GRIA2: variants seen among roughly 807,000 people sequenced by gnomAD.
GRIA2 encodes glutamate receptor 2.
A neutral mutation model predicts 97.3 loss-of-function variants in GRIA2; 14 were observed. That is an observed-to-expected ratio of 0.14 (90% CI 0.10 to 0.23). The LOEUF is 0.23. Among genes scored for constraint, GRIA2 ranks in the 10% least tolerant of loss-of-function variants. The pLI is 1.00. For synonymous variants in GRIA2, 412 were observed against 387.8 expected, an observed-to-expected ratio of 1.06 and a Z score of -0.73; for missense variants, 558 against 1,069.8, an observed-to-expected ratio of 0.52 and a Z score of 6.67.
chr4:157,264,500 G>A (rs1353677467), intron 2 of GRIA2, among the ~76,000 whole-genome samples: 2 of 151,860 alleles, frequency 1.3e-5, no homozygotes, highest in African/African-American at 4.8e-5. Context: ...ATTACAGTGG[G>A]GCCATCTGAT....
chr4:157,362,734 A>G (rs1213981287), intron 14 of GRIA2, 65 bp from the exon 15 acceptor site: 2 of 1,351,862 alleles, frequency 1.5e-6, no homozygotes, highest in African/African-American at 1.5e-5. Flanking sequence ...GCTATGTGAC[A>G]TTGCTGTTCT....
In GRIA2 at chr4:157,311,745, G is replaced by A. The variant is rs138182514; in HGVS notation, c.470-934G>A. ...ATTCATTCTGGAGTCTCGATTTTGC[G>A]TTGTTTATTAAGTTATCAGTATAAA... On this transcript the variant is annotated intron_variant, in intron 3 of 15. Coordinates refer to ENST00000264426, the MANE Select transcript of GRIA2 (RefSeq NM_001083619.3). Among the ~76,000 whole-genome samples the A allele has an allele frequency of 3.5e-4, 53 of 151,958 alleles. No homozygotes were observed. In the East Asian group the frequency reaches 4.1e-3, roughly 12 times the overall value.
At chr4:157,298,752 ACTCATC>A (rs1333309194) in intron 2 of GRIA2, among the ~76,000 whole-genome samples, 3 of 151,300 alleles carry the variant, frequency 2.0e-5, no homozygotes, top group African/African-American at 7.3e-5. Context: ...AGCTCACAAT[ACTCATC>A]CTCTTTGTTG....
intron 2 of GRIA2, among the ~76,000 whole-genome samples, chr4:157,232,031 G>A (rs1240179084): frequency 2.6e-5 from 4 of 152,006 alleles, no homozygotes; most frequent in African/African-American, 4.8e-5. Context: ...ACTAAAATAC[G>A]GAACACAGTG....
chr4:157,309,373 A>G (rs1407303107), intron 3 of GRIA2, among the ~76,000 whole-genome samples: 2 of 146,730 alleles, frequency 1.4e-5, no homozygotes, highest in Admixed American at 6.8e-5. Flanking sequence ...TTTTTTTGAA[A>G]TGGAGTCCCG....
Position 157,321,584 on chromosome 4 carries a change from CACA to C in GRIA2, c.875_877del (p.Thr292del). The C allele has an allele frequency of 6.2e-7, 1 of 1,608,662 alleles. No individual in the cohort carries two copies. The highest frequency in any genetic ancestry group is 8.5e-7 in the Non-Finnish European group (1 of 1,176,868). On this transcript the variant is annotated inframe_deletion, in exon 6 of 16. Transcript: ENST00000264426. Reference sequence around the variant, plus strand: ...AAGAAAAAGAATACCCTGGAGCTCACACAACAACAATTAAGGTTTGCTTTGGTT... The same window carrying C: ...AAGAAAAAGAATACCCTGGAGCTCACACAACAATTAAGGTTTGCTTTGGTT...
chr4:157,221,955 C>A, intron 2 of GRIA2, 148 bp downstream of exon 2: 3 of 707,494 alleles, frequency 4.2e-6, no homozygotes, highest in East Asian at 2.7e-5. Flanking sequence ...TGCGTGTGAC[C>A]GTGTAGAGAG....
chr4:157,220,780 A>G lies in GRIA2; in HGVS notation c.-263A>G. ...CTGAATATTCCGAGACACTGGGACC[A>G]CAGCGGCAGCTCCGCTGAAAACTGC... On this transcript the variant is annotated 5_prime_UTR_variant, in exon 1 of 16. Coordinates refer to ENST00000264426, the MANE Select transcript of GRIA2 (RefSeq NM_001083619.3). The G allele has an allele frequency of 1.9e-6, 1 of 530,894 alleles. No homozygotes were observed. The highest frequency in any genetic ancestry group is 3.4e-6 in the Non-Finnish European group (1 of 295,048). The allele number at this position is 530,894 out of a possible 1,614,324, so 32.9% of individuals were successfully genotyped here.
chr4:157,261,540 C>T (rs1731534871), intron 2 of GRIA2, among the ~76,000 whole-genome samples: 1 of 152,050 alleles, frequency 6.6e-6, no homozygotes, highest in Non-Finnish European at 1.5e-5. Context: ...AGTAACTTGA[C>T]TAAACTTATT....
chr4:157,333,076 G>A, intron 7 of GRIA2, 90 bp downstream of exon 7: 1 of 1,089,142 alleles, frequency 9.2e-7, no homozygotes, highest in Non-Finnish European at 1.3e-6. Context: ...CTTATTCCTT[G>A]TGTCTAATAT....
chr4:157,347,442 C>T (rs1215767412), intron 12 of GRIA2, among the ~76,000 whole-genome samples: 1 of 152,116 alleles, frequency 6.6e-6, no homozygotes. Context: ...GAAAGCATTC[C>T]TTTTCATACC....
rs890852995 is a variant in GRIA2 at position 157,335,517 on chromosome 4, G to A, written c.1267-154G>A. ...GAGGCTTTCTGGGGGGAAGCATTATGCTTAAATTATTCCTCTACTGTTGTG... is the reference window on the plus strand; with the variant it reads ...GAGGCTTTCTGGGGGGAAGCATTATACTTAAATTATTCCTCTACTGTTGTG... On this transcript the variant is annotated intron_variant, in intron 9 of 15. Transcript: ENST00000264426. The A allele has an allele frequency of 1.6e-5, 10 of 608,270 alleles. No individual in the cohort carries two copies. In the South Asian group the frequency reaches 2.0e-4, roughly 12 times the overall value. The allele number at this position is 608,270 out of a possible 1,614,324, so 37.7% of individuals were successfully genotyped here. A position where few individuals can be genotyped will look rare whatever the true frequency, so the allele number is the denominator to read the frequency against.
intron 2 of GRIA2, among the ~76,000 whole-genome samples, chr4:157,251,341 C>A (rs1254014008): frequency 2.6e-5 from 4 of 151,852 alleles, no homozygotes; most frequent in African/African-American, 9.7e-5. Context: ...ATAAGAGAAG[C>A]AGTATAATAC....
At position 157,323,963 on chromosome 4, in the gene GRIA2, GT is replaced by G. The variant is rs1734698203; in HGVS notation, c.882+2368del. Among the ~76,000 whole-genome samples, 5 of 152,194 alleles carry G rather than the reference GT, an allele frequency of 3.3e-5. No individual in the cohort carries two copies. The South Asian group carries it at 1.0e-3, about 32-fold the overall frequency. On this transcript the variant is annotated intron_variant, in intron 6 of 15. Coordinates refer to ENST00000264426, the MANE Select transcript of GRIA2 (RefSeq NM_001083619.3). ...TGTTTCAGAGAACCTAGACTAATGT[GT>G]TTTAAAACTTAGGCTGTGAATCACT...
At position 157,343,587 on chromosome 4, in the gene GRIA2, A is replaced by G. The variant is rs531066350; in HGVS notation, c.2043+2125A>G. ...TCCTCTCAAACTATCTCCAAAAGGA[A>G]CTGTTGATGAAATGACATTGGCTAG... On this transcript the variant is annotated intron_variant, in intron 12 of 15. Coordinates refer to ENST00000264426, the MANE Select transcript of GRIA2 (RefSeq NM_001083619.3). 2.6e-5 allele frequency among the ~76,000 whole-genome samples: 4 copies of G among 152,180 alleles called. No homozygotes were observed. In the South Asian group the frequency reaches 8.3e-4, roughly 31 times the overall value.
chr4:157,363,611 C>T lies in GRIA2; in HGVS notation c.*180C>T, dbSNP rs560668503. 5.7e-6 allele frequency: 7 copies of T among 1,223,804 alleles called. No individual in the cohort carries two copies. Among genetic ancestry groups the T allele is most frequent in the Non-Finnish European group, 7.2e-6 (7 of 978,744 alleles). The allele number at this position is 1,223,804 out of a possible 1,614,324, so 75.8% of individuals were successfully genotyped here. ...CTGATCTCTCGTGATTGATAAGAACCTTTTGAGTGCCTTACACAATGGTTT... is the reference window on the plus strand; with the variant it reads ...CTGATCTCTCGTGATTGATAAGAACTTTTTGAGTGCCTTACACAATGGTTT... On this transcript the variant is annotated 3_prime_UTR_variant, in exon 16 of 16. Transcript: ENST00000264426.
intron 2 of GRIA2, among the ~76,000 whole-genome samples, chr4:157,223,379 C>T (rs76568376): frequency 2.2e-4 from 33 of 151,866 alleles, no homozygotes; most frequent in African/African-American, 7.7e-4. Context: ...GAAAGAAGGG[C>T]GGGTGTGGGG....
chr4:157,332,718 A>T, intron 6 of GRIA2, 101 bp from the exon 7 acceptor site: 1 of 730,706 alleles, frequency 1.4e-6, no homozygotes. Context: ...TTGGACTTTT[A>T]AATGGTATTG....
intron 6 of GRIA2, among the ~76,000 whole-genome samples, chr4:157,326,607 C>T (rs917557680): frequency 6.6e-6 from 1 of 151,852 alleles, no homozygotes; most frequent in Admixed American, 6.6e-5. Context: ...GAATTGGAGA[C>T]CTGAAGAAGT....
Sources: gnomAD v4.1 joint callset for allele counts (sites outside exome capture counted in the v4.1 genomes callset) on GRCh38, gnomAD v4.1.1 for gene constraint, MANE v1.5 for transcripts, NCBI Gene and HGNC (gene_info 2026-07-23, HGNC 2026-07-21) for gene names.